FAM227B: variants seen among roughly 807,000 people sequenced by gnomAD.
The protein encoded by FAM227B is family with sequence similarity 227 member B.
Under a neutral mutation model 73.8 loss-of-function variants are expected in FAM227B, and 88 were observed. The ratio of observed to expected loss-of-function variants is 1.19; its 90% CI spans 1.00 to 1.42. The LOEUF (loss-of-function observed/expected upper bound fraction) is 1.42, where lower values mean the gene tolerates loss of function less well. Ranked by LOEUF, FAM227B falls within the 40% of genes most tolerant of loss-of-function variation. The pLI is 0.00. For synonymous variants in FAM227B, 210 were observed against 190.5 expected, an observed-to-expected ratio of 1.10 and a Z score of -0.84; for missense variants, 632 against 590.9, an observed-to-expected ratio of 1.07 and a Z score of -0.72.
chr15:49,444,498 G>C (rs2051993231), intron 11 of FAM227B, among the ~76,000 whole-genome samples: 1 of 151,714 alleles, frequency 6.6e-6, no homozygotes, highest in Non-Finnish European at 1.5e-5. Flanking sequence ...GAAATTATCT[G>C]CTTCAAAACA....
intron 9 of FAM227B, among the ~76,000 whole-genome samples, chr15:49,552,108 T>C (rs1354770185): frequency 6.6e-6 from 1 of 152,246 alleles, no homozygotes; most frequent in Admixed American, 6.5e-5. Flanking sequence ...TGATTACTTA[T>C]TGCTCATTAA....
chr15:49,615,056 T>A (rs1416066836), intron 2 of FAM227B, 65 bp downstream of exon 2: 2 of 1,464,020 alleles, frequency 1.4e-6, no homozygotes, highest in Admixed American at 3.3e-5. Flanking sequence ...GAGCCCTGAT[T>A]ACCTGAAATT....
intron 15 of FAM227B, chr15:49,328,913 T>C: frequency 8.2e-7 from 1 of 1,226,424 alleles, no homozygotes; most frequent in Non-Finnish European, 1.0e-6. Context: ...ATAGAAAAAC[T>C]TAGATAAAAA....
chr15:49,489,281 T>C, intron 11 of FAM227B: 2 of 984,710 alleles, frequency 2.0e-6, no homozygotes, highest in Non-Finnish European at 2.4e-6. Flanking sequence ...CTAATAAGAG[T>C]AATTCATGGC....
chr15:49,498,611 T>G (rs999089385), intron 11 of FAM227B, among the ~76,000 whole-genome samples: 37 of 152,190 alleles, frequency 2.4e-4, no homozygotes, highest in African/African-American at 8.4e-4. Context: ...AAAGCGTATT[T>G]CAAATATTTA....
chr15:49,592,099 C>T (rs1017413472), intron 3 of FAM227B, among the ~76,000 whole-genome samples: 8 of 152,032 alleles, frequency 5.3e-5, no homozygotes, highest in Non-Finnish European at 1.2e-4. Context: ...AGCTTCCTTG[C>T]GATGGGTTAG....
At chr15:49,386,988 T>C (rs1051669339) in intron 11 of FAM227B, among the ~76,000 whole-genome samples, 6 of 151,682 alleles carry the variant, frequency 4.0e-5, no homozygotes, top group Non-Finnish European at 7.4e-5. Context: ...AGCAGTGAGA[T>C]TGAATCAGTA....
chr15:49,329,854 A>G (rs2038281167), intron 15 of FAM227B: 8 of 730,622 alleles, frequency 1.1e-5, no homozygotes, highest in Non-Finnish European at 1.3e-5. Context: ...TGTTCCATTT[A>G]CAATTTTCAC....
chr15:49,338,346 T>G lies in FAM227B; in HGVS notation c.1272-2850A>C, dbSNP rs149840695. Among the ~76,000 whole-genome samples the G allele has an allele frequency of 4.0e-3, 610 of 152,332 alleles. 5 individuals carry two copies. Among genetic ancestry groups the G allele is most frequent in the African/African-American group, 0.014 (578 of 41,568 alleles). On this transcript the variant is annotated intron_variant, in intron 13 of 15. Transcript: ENST00000299338. ...GGTGGTGACAAAATCTCTCAGCATTTCCTTGTCTGTAAAGATTTTATTTCT... is the reference window on the plus strand; with the variant it reads ...GGTGGTGACAAAATCTCTCAGCATTGCCTTGTCTGTAAAGATTTTATTTCT...
At chr15:49,498,698 C>T (rs1293217023) in intron 11 of FAM227B, among the ~76,000 whole-genome samples, 1 of 152,144 alleles carries the variant, frequency 6.6e-6, no homozygotes, top group Non-Finnish European at 1.5e-5. Flanking sequence ...AGAATCAAGA[C>T]CCAATAGTCT....
At chr15:49,580,572 A>C (rs993376630) in intron 5 of FAM227B, among the ~76,000 whole-genome samples, 3 of 152,222 alleles carry the variant, frequency 2.0e-5, no homozygotes, top group African/African-American at 7.2e-5. Context: ...CAATTCAAAA[A>C]GCCAAAGTGT....
chr15:49,459,825 TC>T (rs2151922391), intron 11 of FAM227B, among the ~76,000 whole-genome samples: 1 of 152,266 alleles, frequency 6.6e-6, no homozygotes, highest in East Asian at 1.9e-4. Flanking sequence ...AACTCCACAT[TC>T]ATCTCTTCCC....
At chr15:49,529,531 A>G (rs541003242) in intron 10 of FAM227B, among the ~76,000 whole-genome samples, 1 of 151,826 alleles carries the variant, frequency 6.6e-6, no homozygotes, top group East Asian at 1.9e-4. Flanking sequence ...GATTTTTTTA[A>G]ATTAAACTTC....
At chr15:49,466,890 C>T (rs1387076443) in intron 11 of FAM227B, among the ~76,000 whole-genome samples, 1 of 152,076 alleles carries the variant, frequency 6.6e-6, no homozygotes, top group Non-Finnish European at 1.5e-5. Flanking sequence ...ATTAACTACT[C>T]CACATAAGAA....
intron 11 of FAM227B, among the ~76,000 whole-genome samples, chr15:49,459,221 A>G (rs75033425): frequency 0.016 from 2,409 of 152,266 alleles, 52 homozygotes; most frequent in African/African-American, 0.053. Context: ...TGTCCTGGCC[A>G]GAGGAGGAGA....
intron 10 of FAM227B, among the ~76,000 whole-genome samples, chr15:49,519,958 T>C (rs763743447): frequency 5.9e-5 from 9 of 152,174 alleles, no homozygotes; most frequent in African/African-American, 9.7e-5. Context: ...TTCCAAACCA[T>C]ATATTTGTGA....
intron 11 of FAM227B, among the ~76,000 whole-genome samples, chr15:49,471,113 G>A (rs1026922834): frequency 6.6e-6 from 1 of 152,156 alleles, no homozygotes; most frequent in Non-Finnish European, 1.5e-5. Context: ...TTTAAAGGGA[G>A]TAGAAAAACT....
intron 11 of FAM227B, among the ~76,000 whole-genome samples, chr15:49,446,850 T>C (rs34635038): frequency 0.023 from 3,534 of 151,356 alleles, 87 homozygotes; most frequent in South Asian, 0.13. Context: ...TGGAGAAAGA[T>C]ACAAGCAGGG....
chr15:49,397,400 T>C (rs1417860262), intron 11 of FAM227B, among the ~76,000 whole-genome samples: 1 of 152,026 alleles, frequency 6.6e-6, no homozygotes, highest in African/African-American at 2.4e-5. Context: ...ATGGGGAGAA[T>C]GGAACCAAGT....
Sources: gnomAD v4.1 joint callset for allele counts (sites outside exome capture counted in the v4.1 genomes callset) on GRCh38, gnomAD v4.1.1 for gene constraint, MANE v1.5 for transcripts, NCBI Gene and HGNC (gene_info 2026-07-23, HGNC 2026-07-21) for gene names.